Variants in SLC25A48 observed in about 807,000 individuals in gnomAD.
SLC25A48 encodes CTC-321K16.1.
In SLC25A48, 29 loss-of-function variants were observed where a neutral mutation model predicts 32.2. That is an observed-to-expected ratio of 0.90 (90% CI 0.67 to 1.23). The LOEUF (loss-of-function observed/expected upper bound fraction) is 1.23. SLC25A48 is among the 50% of genes most tolerant of loss of function. The pLI is 0.00. For synonymous variants in SLC25A48, 164 were observed against 172.3 expected, an observed-to-expected ratio of 0.95 and a Z score of 0.38; for missense variants, 399 against 422.7, an observed-to-expected ratio of 0.94 and a Z score of 0.49.
At chr5:135,785,215 C>A (rs1005023429) in intron 3 of SLC25A48, among the ~76,000 whole-genome samples, 1 of 152,096 alleles carries the variant, frequency 6.6e-6, no homozygotes, top group Non-Finnish European at 1.5e-5. Context: ...TGTGTGTTCA[C>A]CCCCCTTGTC....
intron 1 of SLC25A48, among the ~76,000 whole-genome samples, chr5:135,623,329 C>T (rs2126900482): frequency 6.6e-6 from 1 of 152,296 alleles, no homozygotes; most frequent in Non-Finnish European, 1.5e-5. Context: ...CCTGGTTGCT[C>T]ACTGGCCAAG....
chr5:135,868,116 A>C (rs1761344267), intron 4 of SLC25A48, among the ~76,000 whole-genome samples: 1 of 152,234 alleles, frequency 6.6e-6, no homozygotes, highest in Admixed American at 6.5e-5. Context: ...TGAAAGCTTT[A>C]CCTTTTATTG....
At chr5:135,650,620 C>G (rs1391026950) in intron 3 of SLC25A48, 3 of 334,012 alleles carry the variant, frequency 9.0e-6, no homozygotes, top group Non-Finnish European at 1.8e-5. Flanking sequence ...TAAGCACCTA[C>G]TGTTAGCTCA....
chr5:135,597,445 T>C (rs561493460), intron 1 of SLC25A48, among the ~76,000 whole-genome samples: 1 of 152,302 alleles, frequency 6.6e-6, no homozygotes, highest in Non-Finnish European at 1.5e-5. Flanking sequence ...ATTCTTACAG[T>C]TGGGATCCAG....
At chr5:135,737,027 G>C (rs1755378678) in intron 3 of SLC25A48, among the ~76,000 whole-genome samples, 1 of 152,232 alleles carries the variant, frequency 6.6e-6, no homozygotes, top group South Asian at 2.1e-4. Flanking sequence ...GGAGTAAAGA[G>C]CAGGAGGACA....
chr5:135,751,522 A>G (rs1392562583), intron 3 of SLC25A48, among the ~76,000 whole-genome samples: 2 of 152,166 alleles, frequency 1.3e-5, no homozygotes, highest in Non-Finnish European at 2.9e-5. Flanking sequence ...CCTATCTGCC[A>G]ACTTTTCATT....
intron 4 of SLC25A48, among the ~76,000 whole-genome samples, chr5:135,868,675 CAT>C (rs1344959848): frequency 5.0e-5 from 4 of 79,970 alleles, no homozygotes; most frequent in Non-Finnish European, 8.5e-5. Flanking sequence ...CACACACACA[CAT>C]ACACACACAC....
At chr5:135,885,048 TAC>T (rs1023170181) in intron 7 of SLC25A48, among the ~76,000 whole-genome samples, 1 of 152,162 alleles carries the variant, frequency 6.6e-6, no homozygotes, top group African/African-American at 2.4e-5. Flanking sequence ...TTCCTGAGGC[TAC>T]ACTTCCCTGC....
intron 1 of SLC25A48, among the ~76,000 whole-genome samples, chr5:135,583,480 A>G (rs1474755060): frequency 1.3e-5 from 2 of 151,884 alleles, no homozygotes; most frequent in African/African-American, 4.8e-5. Flanking sequence ...CCTTCTTTTC[A>G]GAAGAGGAGT....
intron 3 of SLC25A48, among the ~76,000 whole-genome samples, chr5:135,776,427 A>G (rs1756563240): frequency 6.6e-6 from 1 of 151,808 alleles, no homozygotes; most frequent in Admixed American, 6.6e-5. Context: ...CCAAATATAA[A>G]AGGCGGGAGA....
At chr5:135,653,595 A>C (rs1413563896) in intron 3 of SLC25A48, among the ~76,000 whole-genome samples, 2 of 152,200 alleles carry the variant, frequency 1.3e-5, no homozygotes, top group African/African-American at 4.8e-5. Context: ...GATAGAGACG[A>C]GGAGTGTACC....
intron 1 of SLC25A48, among the ~76,000 whole-genome samples, chr5:135,592,154 G>A (rs1474818446): frequency 6.6e-6 from 1 of 152,186 alleles, no homozygotes; most frequent in Non-Finnish European, 1.5e-5. Flanking sequence ...CTATCTCTGA[G>A]GCAAGGATCT....
intron 3 of SLC25A48, among the ~76,000 whole-genome samples, chr5:135,739,068 C>A (rs543201933): frequency 2.0e-5 from 3 of 152,020 alleles, no homozygotes; most frequent in African/African-American, 7.2e-5. Context: ...GGCAACACAG[C>A]GATACTCCAT....
intron 4 of SLC25A48, among the ~76,000 whole-genome samples, chr5:135,869,776 C>A (rs1446691062): frequency 6.6e-6 from 1 of 152,162 alleles, no homozygotes; most frequent in Non-Finnish European, 1.5e-5. Flanking sequence ...TCTGATCTTG[C>A]TCAGAGGGGT....
At chr5:135,749,991 C>T (rs778510243) in intron 3 of SLC25A48, among the ~76,000 whole-genome samples, 83 of 152,204 alleles carry the variant, frequency 5.5e-4, no homozygotes, top group Non-Finnish European at 1.1e-3. Context: ...ATAGCCCTGA[C>T]ACCATCCATC....
chr5:135,757,751 A>G (rs1156841570), intron 3 of SLC25A48, among the ~76,000 whole-genome samples: 1 of 148,668 alleles, frequency 6.7e-6, no homozygotes, highest in African/African-American at 2.5e-5. Context: ...CAATATTAAT[A>G]AAGTATCATC....
At chr5:135,643,151 C>A (rs574688743) in intron 3 of SLC25A48, among the ~76,000 whole-genome samples, 2 of 152,150 alleles carry the variant, frequency 1.3e-5, no homozygotes, top group South Asian at 2.1e-4. Context: ...TTGGTGGACA[C>A]GATGTATTGT....
At chr5:135,659,172 TTTG>T (rs1753327449) in intron 3 of SLC25A48, among the ~76,000 whole-genome samples, 1 of 152,266 alleles carries the variant, frequency 6.6e-6, no homozygotes, top group Admixed American at 6.5e-5. Context: ...AGGTCATTTC[TTTG>T]TTATGAAAAT....
chr5:135,591,577 G>A (rs767047279), intron 1 of SLC25A48, among the ~76,000 whole-genome samples: 30 of 152,150 alleles, frequency 2.0e-4, no homozygotes, highest in African/African-American at 4.6e-4. Flanking sequence ...CTTCTGCAGC[G>A]CTTGCTCCAG....
Sources: allele counts gnomAD v4.1 joint callset (sites outside exome capture counted in the v4.1 genomes callset), GRCh38; gene constraint gnomAD v4.1.1; transcripts MANE v1.5; gene names NCBI Gene and HGNC (gene_info 2026-07-23, HGNC 2026-07-21).